FUT8: variants seen among roughly 807,000 people sequenced by gnomAD.
FUT8 encodes the protein fucosyltransferase 8, also known as alpha-(1,6)-fucosyltransferase.
A neutral mutation model predicts 71.3 loss-of-function variants in FUT8; 29 were observed. The ratio of observed to expected loss-of-function variants is 0.41; its 90% CI spans 0.30 to 0.55. The LOEUF (loss-of-function observed/expected upper bound fraction) is 0.55, where lower values mean the gene tolerates loss of function less well. FUT8 is among the 20% of genes least tolerant of loss of function. The probability of loss-of-function intolerance (pLI) is 0.34; values close to 1 mark genes in which losing one functional copy is unlikely to be tolerated. For synonymous variants in FUT8, 254 were observed against 239.3 expected, an observed-to-expected ratio of 1.06 and a Z score of -0.57; for missense variants, 544 against 702.1, an observed-to-expected ratio of 0.77 and a Z score of 2.55.
chr14:65,650,219 A>G (rs1891306630), intron 6 of FUT8, among the ~76,000 whole-genome samples: 1 of 146,628 alleles, frequency 6.8e-6, no homozygotes, highest in Non-Finnish European at 1.5e-5. Flanking sequence ...GAATGGCGTG[A>G]ACCTGGGAGG....
At chr14:65,722,437 A>G (rs892091920) in intron 8 of FUT8, among the ~76,000 whole-genome samples, 3 of 152,118 alleles carry the variant, frequency 2.0e-5, no homozygotes, top group Non-Finnish European at 4.4e-5. Context: ...GTCTAAAGGC[A>G]TGTATCACCA....
intron 3 of FUT8, among the ~76,000 whole-genome samples, chr14:65,610,180 C>CT (rs1206326721): frequency 6.6e-6 from 1 of 151,726 alleles, no homozygotes; most frequent in Admixed American, 6.6e-5. Context: ...ATTTGAATGC[C>CT]TTTGTTTCTT....
At chr14:65,432,667 A>C (rs2002691) in intron 1 of FUT8, among the ~76,000 whole-genome samples, 6,280 of 152,188 alleles carry the variant, frequency 0.041, 233 homozygotes, top group South Asian at 0.17. Context: ...AACAGGTTGC[A>C]GTTAAGGAGC....
chr14:65,620,516 A>C (rs539014293), intron 5 of FUT8, among the ~76,000 whole-genome samples: 1 of 152,236 alleles, frequency 6.6e-6, no homozygotes, highest in Admixed American at 6.5e-5. Context: ...TAGCTTACAG[A>C]TTTTTTTTAA....
chr14:65,583,280 A>C (rs1400605401), intron 3 of FUT8, among the ~76,000 whole-genome samples: 1 of 152,160 alleles, frequency 6.6e-6, no homozygotes, highest in African/African-American at 2.4e-5. Flanking sequence ...ACCTGGGCTC[A>C]AGTGATCCTC....
chr14:65,534,394 T>C (rs1463228024), intron 2 of FUT8, among the ~76,000 whole-genome samples: 1 of 151,970 alleles, frequency 6.6e-6, no homozygotes, highest in African/African-American at 2.4e-5. Flanking sequence ...CTTCCAAGTT[T>C]TAGTATCATC....
chr14:65,635,203 ACT>A (rs2140282580), intron 6 of FUT8, among the ~76,000 whole-genome samples: 1 of 152,136 alleles, frequency 6.6e-6, no homozygotes, highest in South Asian at 2.1e-4. Context: ...GTTTCCGTAA[ACT>A]CTACTGAATT....
At chr14:65,728,857 C>T (rs180980878) in intron 9 of FUT8, among the ~76,000 whole-genome samples, 1 of 152,164 alleles carries the variant, frequency 6.6e-6, no homozygotes, top group East Asian at 1.9e-4. Flanking sequence ...TTTGTAAATA[C>T]ACCCTATGAT....
chr14:65,550,255 CTTTT>C lies in FUT8; in HGVS notation c.-227-11080_-227-11077del. On this transcript the variant is annotated intron_variant, in intron 2 of 10. Transcript: ENST00000673929. The surrounding 1 kb of genome is among the most constrained non-coding windows in gnomAD (Gnocchi z 4.5). ...GAGAGAAGGGAGGAGATACCAGGCT[CTTTT>C]TAACAAGATCATTGTGTGTTCTGAT... 6.6e-6 allele frequency among the ~76,000 whole-genome samples: 1 copy of C among 152,132 alleles called. No individual in the cohort carries two copies. The highest frequency in any genetic ancestry group is 2.4e-5 in the African/African-American group (1 of 41,496).
At position 65,413,726 on chromosome 14, in the gene FUT8, G is replaced by T. The variant is rs1370168978; in HGVS notation, c.-326+512G>T. Among the ~76,000 whole-genome samples, 1 of 152,222 alleles carries T rather than the reference G, an allele frequency of 6.6e-6. No individual in the cohort carries two copies. Among genetic ancestry groups the T allele is most frequent in the African/African-American group, 2.4e-5 (1 of 41,458 alleles). On this transcript the variant is annotated intron_variant, in intron 1 of 10. Transcript: ENST00000673929. This position sits in a 1 kb window ranked among gnomAD's most constrained non-coding sequence, Gnocchi z 4.1. ...CCCTCACAAAGATCCGCGAGGGACT[G>T]ATGCAGGGCAGTTAAAGGCTTGAGT...
rs1365885977 is a variant in FUT8, at chr14:65,669,678, T to C, written c.835+198T>C. On this transcript the variant is annotated intron_variant, in intron 7 of 10. Transcript: ENST00000673929. This position sits in a 1 kb window ranked among gnomAD's most constrained non-coding sequence, Gnocchi z 4.5. ...TTATTATGTATTTCATTTCTGATGC[T>C]CATTTTTATGTGAATTTAGCAAAAT... Among the ~76,000 whole-genome samples the C allele has an allele frequency of 6.6e-6, 1 of 152,240 alleles. No homozygotes were observed. Among genetic ancestry groups the C allele is most frequent in the Non-Finnish European group, 1.5e-5 (1 of 68,044 alleles).
chr14:65,648,321 C>T (rs569846477), intron 6 of FUT8, among the ~76,000 whole-genome samples: 113 of 152,234 alleles, frequency 7.4e-4, no homozygotes, highest in African/African-American at 2.4e-3. Flanking sequence ...TCTTCCTGTT[C>T]CTTCTATTCC....
chr14:65,388,716 C>T, the FUT8 span, among the ~76,000 whole-genome samples: 7 of 152,002 alleles, frequency 4.6e-5, no homozygotes, highest in African/African-American at 9.7e-5. Flanking sequence ...GAGCTGAGAT[C>T]GCGCCACTGC....
chr14:65,551,701 A>T (rs901871572), intron 2 of FUT8, among the ~76,000 whole-genome samples: 2 of 152,194 alleles, frequency 1.3e-5, no homozygotes, highest in African/African-American at 4.8e-5. Context: ...AGCTTTTTGT[A>T]TGTAAAACAT....
intron 9 of FUT8, among the ~76,000 whole-genome samples, chr14:65,732,853 T>G (rs1896042182): frequency 6.6e-6 from 1 of 152,196 alleles, no homozygotes; most frequent in African/African-American, 2.4e-5. Flanking sequence ...TTAATGAGGT[T>G]TTATCACAGT....
chr14:65,465,362 G>A (rs974189942), intron 2 of FUT8, among the ~76,000 whole-genome samples: 1 of 151,878 alleles, frequency 6.6e-6, no homozygotes, highest in East Asian at 1.9e-4. Flanking sequence ...TTATGAAATG[G>A]GGTCTCATTA....
intron 3 of FUT8, among the ~76,000 whole-genome samples, chr14:65,568,217 G>GTGCCAT (rs1224978846): frequency 1.3e-5 from 2 of 151,438 alleles, no homozygotes; most frequent in Middle Eastern, 3.2e-3. Context: ...ATTGTTCTTA[G>GTGCCAT]TGCCATTTTA....
At chr14:65,523,758 TA>T (rs1011025379) in intron 2 of FUT8, among the ~76,000 whole-genome samples, 45 of 152,340 alleles carry the variant, frequency 3.0e-4, no homozygotes, top group African/African-American at 9.1e-4. Context: ...GTATAAGGTG[TA>T]AGGAAGGGAT....
At position 65,702,311 on chromosome 14, in the gene FUT8, C is replaced by CT. The variant is rs1296713646; in HGVS notation, c.836-19463dup. Among the ~76,000 whole-genome samples, 6 of 146,798 alleles carry CT rather than the reference C, an allele frequency of 4.1e-5. No homozygotes were observed. The Admixed American group carries it at 4.1e-4, about 10-fold the overall frequency. ...TGTGAGCTGAGATCATGGCGTTGCA[C>CT]TCCAACCTGGGCAGCAAGAACAAAA... On this transcript the variant is annotated intron_variant, in intron 7 of 10. Transcript: ENST00000673929.
Sources: gnomAD v4.1 joint callset for allele counts (sites outside exome capture counted in the v4.1 genomes callset) on GRCh38, gnomAD v4.1.1 for gene constraint, Gnocchi (gnomAD v3.1) non-coding constraint, MANE v1.5 for transcripts, NCBI Gene and HGNC (gene_info 2026-07-23, HGNC 2026-07-21) for gene names.